The following CTNNAL1 variants were observed in gnomAD, a reference collection of about 807,000 sequenced individuals.
The protein encoded by CTNNAL1 is alpha-catulin.
Under a neutral mutation model 93.6 loss-of-function variants are expected in CTNNAL1, and 69 were observed. The ratio of observed to expected loss-of-function variants is 0.74; its 90% confidence interval spans 0.61 to 0.90. The LOEUF (loss-of-function observed/expected upper bound fraction) is 0.90. Ranked by LOEUF, CTNNAL1 falls within the 40% of genes least tolerant of loss-of-function variation. CTNNAL1 has a pLI of 0.00. For synonymous variants in CTNNAL1, 286 were observed against 305.4 expected, an observed-to-expected ratio of 0.94 and a Z score of 0.66; for missense variants, 836 against 862.0, an observed-to-expected ratio of 0.97 and a Z score of 0.38.
chr9:108,978,656 C>A (rs1307816295), intron 7 of CTNNAL1, among the ~76,000 whole-genome samples: 1 of 152,184 alleles, frequency 6.6e-6, no homozygotes, highest in Non-Finnish European at 1.5e-5. Flanking sequence ...TCAGTCTTGG[C>A]CATTCTTGCC....
chr9:108,960,006 C>G (rs1304144017), intron 11 of CTNNAL1, among the ~76,000 whole-genome samples: 2 of 152,132 alleles, frequency 1.3e-5, no homozygotes, highest in African/African-American at 4.8e-5. Context: ...AATGGAAAAG[C>G]CTTATCATTT....
intron 4 of CTNNAL1, 58 bp from the exon 5 acceptor site, chr9:108,984,494 T>TA (rs1426207400): frequency 4.4e-5 from 40 of 906,486 alleles, no homozygotes; most frequent in Middle Eastern, 2.2e-4. Flanking sequence ...CCCAATTTCT[T>TA]AAAAAAGTAT....
intron 1 of CTNNAL1, among the ~76,000 whole-genome samples, chr9:109,002,799 C>T (rs1826884151): frequency 6.7e-6 from 1 of 149,118 alleles, no homozygotes; most frequent in Admixed American, 6.7e-5. Flanking sequence ...GCCTGACCAA[C>T]ATGGAGAAAC....
chr9:108,986,385 C>A (rs1296277267), intron 4 of CTNNAL1, among the ~76,000 whole-genome samples: 2 of 148,146 alleles, frequency 1.4e-5, no homozygotes, highest in East Asian at 2.0e-4. Context: ...GCATAGTATT[C>A]CATGGTGTAT....
rs838838 is a variant in CTNNAL1 at position 108,984,327 on chromosome 9, T to C, written c.729+20A>G. ...TTCTAATTATTAATTTATTACACAGTAAAACCAAAATTGTCTTACCTTTGA... is the reference window on the plus strand; with the variant it reads ...TTCTAATTATTAATTTATTACACAGCAAAACCAAAATTGTCTTACCTTTGA... On this transcript the variant is annotated intron_variant, in intron 5 of 18. Transcript: ENST00000325551. The C allele has an allele frequency of 0.16, 241,824 of 1,467,478 alleles. 21,482 individuals are homozygous for C. The highest frequency in any genetic ancestry group is 0.23 in the Middle Eastern group (1,300 of 5,738). 90.9% of individuals were successfully genotyped at this position (1,467,478 alleles called of 1,614,324 possible).
At position 109,013,388 on chromosome 9, in the gene CTNNAL1, A is replaced by G; in HGVS notation, c.55T>C (p.Ser19Pro). The G allele has an allele frequency of 6.7e-7, 1 of 1,503,736 alleles. No homozygotes were observed. Among genetic ancestry groups the G allele is most frequent in the South Asian group, 1.3e-5 (1 of 79,524 alleles). The allele number at this position is 1,503,736 out of a possible 1,614,324, so 93.1% of individuals were successfully genotyped here. Reference protein sequence around the residue: ...GVGGAGAVYGSGSSGFALDSG... With the variant: ...GVGGAGAVYGPGSSGFALDSG... Reference sequence around the variant, plus strand: ...TCGAGGGCGAAGCCCGAAGAGCCGGAGCCGTAGACTGCTCCGGCGCCGCCA... The same window carrying G: ...TCGAGGGCGAAGCCCGAAGAGCCGGGGCCGTAGACTGCTCCGGCGCCGCCA... Residue 19 changes from serine (S) to proline (P), a missense_variant, in exon 1 of 19, where the codon TCC (serine) becomes CCC (proline). Physicochemically the swap from Ser to Pro is moderately conservative, Grantham distance 74 (BLOSUM62 -1). Coordinates refer to ENST00000325551, the MANE Select transcript of CTNNAL1 (RefSeq NM_003798.4).
At chr9:108,978,545 A>G (rs1831329772) in intron 7 of CTNNAL1, among the ~76,000 whole-genome samples, 1 of 152,254 alleles carries the variant, frequency 6.6e-6, no homozygotes. Context: ...TAAGAAATAA[A>G]TAATGCTAGA....
intron 6 of CTNNAL1, among the ~76,000 whole-genome samples, chr9:108,979,850 A>T (rs1476045334): frequency 1.3e-5 from 2 of 152,280 alleles, no homozygotes; most frequent in African/African-American, 4.8e-5. Flanking sequence ...AAGATAAGTT[A>T]CACCCAAATA....
rs777616421 is a variant in CTNNAL1, at chr9:108,999,178, C to T, written c.220G>A (p.Ala74Thr). 2 of 1,613,634 alleles carry T rather than the reference C, an allele frequency of 1.2e-6. No homozygotes were observed. Reference sequence around the variant, plus strand: ...AATCTTCCAACTGCCAAGTTGACAGCTTGTCCTACACGCTGAATTGCTTGC... The same window carrying T: ...AATCTTCCAACTGCCAAGTTGACAGTTTGTCCTACACGCTGAATTGCTTGC... ...TLQAIQRVGQ[A>T]VNLAVGRFVK... The change falls in exon 2 of 19, where the codon GCT becomes ACT. Residue 74 changes from alanine to threonine, a missense_variant. Ala to Thr is a moderately conservative substitution (Grantham distance 58, BLOSUM62 0). Coordinates refer to ENST00000325551, the MANE Select transcript of CTNNAL1 (RefSeq NM_003798.4).
chr9:108,981,624 A>G (rs770736208), intron 6 of CTNNAL1, among the ~76,000 whole-genome samples: 10 of 152,170 alleles, frequency 6.6e-5, no homozygotes, highest in Non-Finnish European at 1.2e-4. Context: ...CCTTCACACA[A>G]TTAGAAATCA....
chr9:108,979,155 T>G, intron 7 of CTNNAL1, 126 bp downstream of exon 7: 82 of 1,178,362 alleles, frequency 7.0e-5, no homozygotes, highest in Non-Finnish European at 8.7e-5. Context: ...AAAGAAGGGA[T>G]GAGATATCCT....
At position 108,983,121 on chromosome 9, in the gene CTNNAL1, A is replaced by G. The variant is rs568293970; in HGVS notation, c.900+24T>C. Reference sequence around the variant, plus strand: ...AAAATAAAATAAGAAGAGAAAAATAAAAATATACTCTCTTTATTCTTACCT... The same window carrying G: ...AAAATAAAATAAGAAGAGAAAAATAGAAATATACTCTCTTTATTCTTACCT... On this transcript the variant is annotated intron_variant, in intron 6 of 18. Transcript: ENST00000325551. 8.6e-6 allele frequency: 12 copies of G among 1,388,054 alleles called. No homozygotes were observed. In the South Asian group the frequency reaches 1.8e-4, roughly 21 times the overall value. 86.0% of individuals were successfully genotyped at this position (1,388,054 alleles called of 1,614,324 possible).
At chr9:108,999,774 A>T (rs1260261987) in intron 1 of CTNNAL1, among the ~76,000 whole-genome samples, 1 of 152,216 alleles carries the variant, frequency 6.6e-6, no homozygotes. Context: ...TCTATATTTC[A>T]CATTTTGCTA....
intron 3 of CTNNAL1, among the ~76,000 whole-genome samples, chr9:108,991,668 C>A (rs887283988): frequency 2.6e-5 from 4 of 152,266 alleles, no homozygotes; most frequent in African/African-American, 9.6e-5. Context: ...ACGTTGCCAC[C>A]ACTGTGAGAA....
intron 9 of CTNNAL1, 81 bp from the exon 10 acceptor site, chr9:108,970,575 A>C (rs1207180515): frequency 4.2e-5 from 50 of 1,203,820 alleles, no homozygotes; most frequent in Non-Finnish European, 5.5e-5. Context: ...ATTAAAAAGA[A>C]AATTTTACAA....
chr9:108,992,964 G>A (rs1564144901), intron 2 of CTNNAL1, 145 bp from the exon 3 acceptor site: 5 of 855,584 alleles, frequency 5.8e-6, no homozygotes, highest in Non-Finnish European at 8.6e-6. Flanking sequence ...TCACCTTGAC[G>A]ATTGTAGGGA....
intron 1 of CTNNAL1, 41 bp downstream of exon 1, chr9:109,013,261 G>C: frequency 1.4e-6 from 2 of 1,437,396 alleles, no homozygotes; most frequent in Non-Finnish European, 1.8e-6. Context: ...CGCGGGCCGC[G>C]GCGGGAAGGA....
chr9:108,965,468 G>A lies in CTNNAL1; in HGVS notation c.1501C>T (p.Leu501=). Reference sequence around the variant, plus strand: ...TCCCAAGCTTCACAAAATACATCTAGGTTTTCTTTAGCAATTTTACTAGAT... The same window carrying A: ...TCCCAAGCTTCACAAAATACATCTAAGTTTTCTTTAGCAATTTTACTAGAT... ...HPSSKIAKEN[L]DVFCEAWESQ... The change falls in exon 11 of 19, where the codon CTA becomes TTA. Residue 501 remains leucine (L), a synonymous_variant. Transcript: ENST00000325551. 8 of 1,593,614 alleles carry A rather than the reference G, an allele frequency of 5.0e-6. No individual in the cohort carries two copies. The highest frequency in any genetic ancestry group is 6.8e-6 in the Non-Finnish European group (8 of 1,170,874).
intron 5 of CTNNAL1, 29 bp from the exon 6 acceptor site, chr9:108,983,344 A>C: frequency 6.9e-7 from 1 of 1,439,052 alleles, no homozygotes; most frequent in Non-Finnish European, 9.1e-7. Flanking sequence ...TTTTTATTTT[A>C]ATATTTGATT....
Sources: allele counts gnomAD v4.1 joint callset (sites outside exome capture counted in the v4.1 genomes callset), GRCh38; gene constraint gnomAD v4.1.1; transcripts MANE v1.5; gene names NCBI Gene and HGNC (gene_info 2026-07-23, HGNC 2026-07-21).